The following MSH4 variants were observed in gnomAD, a reference collection of about 807,000 sequenced individuals.
MSH4 encodes the protein mutS homolog 4.
MSH4 carries 106 observed loss-of-function variants against 113.7 expected under a neutral mutation model. That is an observed-to-expected ratio of 0.93 (90% CI 0.80 to 1.10). MSH4 has a LOEUF of 1.10. MSH4 is among the 50% of genes least tolerant of loss of function. The pLI, the probability that MSH4 is intolerant of heterozygous loss-of-function variation, is 0.00. For missense variants in MSH4, 1,061 were observed against 1,093.7 expected (o/e 0.97, Z 0.42); for synonymous variants, 368 against 380.2 (o/e 0.97, Z 0.37).
intron 19 of MSH4, among the ~76,000 whole-genome samples, chr1:75,902,517 G>A (rs1038856530): frequency 2.0e-5 from 3 of 151,200 alleles, no homozygotes; most frequent in African/African-American, 7.3e-5. Flanking sequence ...CATCTATGTT[G>A]TGTAAAGGAC....
intron 12 of MSH4, 98 bp downstream of exon 12, chr1:75,879,226 G>A: frequency 1.8e-6 from 2 of 1,100,554 alleles, no homozygotes; most frequent in Admixed American, 2.2e-5. Flanking sequence ...CCAAATTTCT[G>A]AATGTTCTGT....
At chr1:75,860,026 T>C in intron 8 of MSH4, among the ~76,000 whole-genome samples, 1 of 152,210 alleles carries the variant, frequency 6.6e-6, no homozygotes, top group East Asian at 1.9e-4. Flanking sequence ...TGGCCTTCTT[T>C]GTCCTTTTTT....
In MSH4 at chr1:75,803,889, T is replaced by C. The variant is rs200513557; in HGVS notation, c.403T>C (p.Trp135Arg). 40 of 1,557,746 alleles carry C rather than the reference T, an allele frequency of 2.6e-5. No individual in the cohort carries two copies. The African/African-American group carries it at 3.9e-4, about 15-fold the overall frequency. Reference sequence around the variant, plus strand: ...TCCTCAGAGATCAGGTTATAAGAGCTGGACACCACAAGTGGGATATTCAGG... The same window carrying C: ...TCCTCAGAGATCAGGTTATAAGAGCCGGACACCACAAGTGGGATATTCAGG... The part of the protein sequence containing the change: ...GNPQRSGYKS[W>R]TPQVGYSASS... The change falls in exon 2 of 20, where the codon TGG becomes CGG. Residue 135 changes from tryptophan (W) to arginine (R), a missense_variant. Trp to Arg is a moderately radical substitution (Grantham distance 101). Coordinates refer to ENST00000263187, the MANE Select transcript of MSH4 (RefSeq NM_002440.4).
chr1:75,806,997 G>A lies in MSH4; in HGVS notation c.444G>A (p.Ala148=), dbSNP rs114839930. The change falls in exon 3 of 20, where the codon GCG becomes GCA. Residue 148 remains alanine (A), a synonymous_variant. Coordinates refer to ENST00000263187, the MANE Select transcript of MSH4 (RefSeq NM_002440.4). The part of the protein sequence containing the change: ...QVGYSASSSS[A]ISAHSPSVIV... ...AATTTACAGCTTCATCCTCATCTGC[G>A]ATTTCTGCACACTCCCCATCAGTTA... The A allele has an allele frequency of 8.3e-5, 131 of 1,570,218 alleles. No individual in the cohort carries two copies. In the East Asian group the frequency reaches 2.8e-3, roughly 34 times the overall value.
chr1:75,814,368 A>G (rs1011159826), intron 4 of MSH4, among the ~76,000 whole-genome samples: 2 of 151,988 alleles, frequency 1.3e-5, no homozygotes, highest in Non-Finnish European at 1.5e-5. Context: ...AGGAGGATGA[A>G]GCAAGCAGAT....
chr1:75,872,607 T>A (rs898738644), intron 9 of MSH4, among the ~76,000 whole-genome samples: 5 of 151,752 alleles, frequency 3.3e-5, no homozygotes, highest in African/African-American at 9.7e-5. Context: ...CATAACATTT[T>A]AAAAAAAAGA....
At chr1:75,833,185 G>A (rs10782559) in intron 7 of MSH4, among the ~76,000 whole-genome samples, 145,489 of 152,242 alleles carry the variant, frequency 0.96, 69,876 homozygotes, top group East Asian at 1. Context: ...CCCATTCACA[G>A]TTGCTTCAAA....
rs745924728 is a variant in MSH4, at chr1:75,810,756, T to C, written c.648T>C (p.Cys216=). The C allele has an allele frequency of 6.3e-7, 1 of 1,591,922 alleles. No individual in the cohort carries two copies. Among genetic ancestry groups the C allele is most frequent in the Non-Finnish European group, 8.5e-7 (1 of 1,171,658 alleles). ...PLEIIMSNTA[C]AVGNSTKLFT... Reference sequence around the variant, plus strand: ...AAATAATAATGTCAAATACTGCTTGTGCTGTGGGGAATTCCACCAAGTTGT... The same window carrying C: ...AAATAATAATGTCAAATACTGCTTGCGCTGTGGGGAATTCCACCAAGTTGT... The change falls in exon 4 of 20, where the codon TGT becomes TGC. Residue 216 remains cysteine, a synonymous_variant. Transcript: ENST00000263187.
chr1:75,879,846 A>G (rs1454819922), intron 12 of MSH4, among the ~76,000 whole-genome samples: 1 of 152,158 alleles, frequency 6.6e-6, no homozygotes, highest in Admixed American at 6.6e-5. Context: ...TTAAAAATGA[A>G]TGTATGGGTT....
intron 19 of MSH4, among the ~76,000 whole-genome samples, chr1:75,910,444 C>CT (rs1275438855): frequency 2.0e-5 from 3 of 147,688 alleles, no homozygotes; most frequent in South Asian, 2.1e-4. Flanking sequence ...CTTTTTTTTT[C>CT]TTTTTTTTGA....
chr1:75,803,779 C>T lies in MSH4; in HGVS notation c.293C>T (p.Ser98Leu). The change falls in exon 2 of 20, where the codon TCA becomes TTA. Residue 98 changes from serine (S) to leucine (L), a missense_variant. Physicochemically the swap from Ser to Leu is moderately radical, Grantham distance 145 (BLOSUM62 -2). Transcript: ENST00000263187. ...GCTTATGCAGAAAACACAGTTGCATCAAATTTTACTTTTGGTGCAAGCTCA... is the reference window on the plus strand; with the variant it reads ...GCTTATGCAGAAAACACAGTTGCATTAAATTTTACTTTTGGTGCAAGCTCA... ...KRAYAENTVA[S>L]NFTFGASSSS... The T allele has an allele frequency of 6.2e-7, 1 of 1,600,714 alleles. No individual in the cohort carries two copies. Among genetic ancestry groups the T allele is most frequent in the Non-Finnish European group, 8.5e-7 (1 of 1,175,646 alleles).
At chr1:75,852,179 C>T (rs1490117177) in intron 8 of MSH4, among the ~76,000 whole-genome samples, 2 of 152,134 alleles carry the variant, frequency 1.3e-5, no homozygotes, top group Non-Finnish European at 2.9e-5. Context: ...CTTAGCATAA[C>T]GTTTTCAAGT....
chr1:75,844,581 C>T (rs1198085660), intron 7 of MSH4, among the ~76,000 whole-genome samples: 18 of 152,154 alleles, frequency 1.2e-4, no homozygotes, highest in Admixed American at 1.2e-3. Flanking sequence ...CTGCCTTGGC[C>T]TCCCAAAGTG....
chr1:75,884,249 T>G (rs1468807760), intron 15 of MSH4, among the ~76,000 whole-genome samples: 1 of 152,114 alleles, frequency 6.6e-6, no homozygotes, highest in Non-Finnish European at 1.5e-5. Flanking sequence ...GAGAAACATT[T>G]CCCTTAACTT....
Position 75,822,505 on chromosome 1 carries a change from T to A in MSH4, c.1086T>A (p.Ile362=). 1 of 1,587,958 alleles carries A rather than the reference T, an allele frequency of 6.3e-7. No homozygotes were observed. Among genetic ancestry groups the A allele is most frequent in the Non-Finnish European group, 8.5e-7 (1 of 1,170,420 alleles). The change falls in exon 7 of 20, where the codon ATT becomes ATA. Residue 362 remains isoleucine, a synonymous_variant. Transcript: ENST00000263187. ...RSNILEPLVD[I]ETINMRLDCV... The stretch of plus-strand genomic sequence containing the variant: ...ATATATTAGAGCCTCTAGTTGATAT[T>A]GAAACCATTAACATGAGATTAGATT...
At chr1:75,823,990 T>A (rs1217559009) in intron 7 of MSH4, among the ~76,000 whole-genome samples, 1 of 152,124 alleles carries the variant, frequency 6.6e-6, no homozygotes, top group African/African-American at 2.4e-5. Flanking sequence ...TGGTATATAC[T>A]CAGTAATGGG....
intron 3 of MSH4, among the ~76,000 whole-genome samples, chr1:75,810,412 A>AAT (rs1650165452): frequency 9.6e-6 from 1 of 104,530 alleles, no homozygotes; most frequent in Non-Finnish European, 1.8e-5. Flanking sequence ...TAATTTTTGT[A>AAT]TTTTTTTTTT....
intron 7 of MSH4, among the ~76,000 whole-genome samples, chr1:75,843,813 G>T (rs940822336): frequency 2.6e-5 from 4 of 151,748 alleles, no homozygotes; most frequent in African/African-American, 9.7e-5. Context: ...TATTTTGTGG[G>T]TTTCTTTTTT....
chr1:75,890,668 GA>G, intron 16 of MSH4, 27 bp from the exon 17 acceptor site: 1 of 1,251,158 alleles, frequency 8.0e-7, no homozygotes, highest in Non-Finnish European at 1.1e-6. Flanking sequence ...TGGTTACAAT[GA>G]ATAAATATTA....
Sources: allele counts gnomAD v4.1 joint callset (sites outside exome capture counted in the v4.1 genomes callset), GRCh38; gene constraint gnomAD v4.1.1; transcripts MANE v1.5; gene names NCBI Gene and HGNC (gene_info 2026-07-23, HGNC 2026-07-21).